Variants in EXOC6 observed in about 807,000 individuals in gnomAD.
EXOC6 encodes SEC15-like 1.
A neutral mutation model predicts 112.5 loss-of-function variants in EXOC6; 60 were observed. The ratio of observed to expected loss-of-function variants is 0.53; its 90% CI spans 0.43 to 0.66. The LOEUF (loss-of-function observed/expected upper bound fraction) is 0.66, where lower values mean the gene tolerates loss of function less well. EXOC6 is among the 30% of genes least tolerant of loss of function. The pLI is 0.00. For missense variants in EXOC6, 855 were observed against 957.1 expected (o/e 0.89, Z 1.41); for synonymous variants, 295 against 308.0 (o/e 0.96, Z 0.44).
At chr10:92,897,087 G>C (rs1354481043) in intron 4 of EXOC6, among the ~76,000 whole-genome samples, 4 of 152,110 alleles carry the variant, frequency 2.6e-5, no homozygotes. Flanking sequence ...TGTCCTCTAA[G>C]TTTGAATGTT....
chr10:92,897,618 G>T (rs1280147116), intron 4 of EXOC6, among the ~76,000 whole-genome samples: 3 of 152,136 alleles, frequency 2.0e-5, no homozygotes, highest in Non-Finnish European at 4.4e-5. Context: ...ATGGACAAAG[G>T]ACAGACAGAA....
At chr10:92,911,570 A>C (rs2133877721) in intron 6 of EXOC6, among the ~76,000 whole-genome samples, 1 of 152,290 alleles carries the variant, frequency 6.6e-6, no homozygotes, top group Non-Finnish European at 1.5e-5. Flanking sequence ...GAGTCCATCA[A>C]ATCATGGGCC....
chr10:92,974,781 T>C (rs909709896), intron 18 of EXOC6, among the ~76,000 whole-genome samples: 1 of 152,190 alleles, frequency 6.6e-6, no homozygotes, highest in African/African-American at 2.4e-5. Context: ...TTGGCCGGGC[T>C]GGTCTCCAGC....
At position 92,974,088 on chromosome 10, in the gene EXOC6, C is replaced by A. The variant is rs1352567838; in HGVS notation, c.1809C>A (p.Thr603=). 1.9e-6 allele frequency: 3 copies of A among 1,600,272 alleles called. No individual in the cohort carries two copies. The South Asian group carries it at 3.4e-5, about 18-fold the overall frequency. Residue 603 remains threonine, a synonymous_variant, in exon 18 of 22, where the codon ACC becomes ACA. Coordinates refer to ENST00000260762, the MANE Select transcript of EXOC6 (RefSeq NM_019053.6). ...ARHAAEGEIY[T]KLNQKIDEFV... ...ATGCAGCAGAAGGAGAAATATATAC[C>A]AAACTGAATCAAAAAATTGATGAAT...
At chr10:92,934,630 A>T (rs1243263620) in intron 11 of EXOC6, among the ~76,000 whole-genome samples, 200 bp downstream of exon 11, 1 of 152,142 alleles carries the variant, frequency 6.6e-6, no homozygotes. Flanking sequence ...TTCCCAAAAC[A>T]CCTTTATTCT....
chr10:92,869,632 A>T (rs1848342451), intron 1 of EXOC6, among the ~76,000 whole-genome samples: 1 of 152,030 alleles, frequency 6.6e-6, no homozygotes, highest in African/African-American at 2.4e-5. Flanking sequence ...TTGTCATTTA[A>T]TTGGTTTTTG....
chr10:92,930,712 T>C (rs1297722763), intron 9 of EXOC6, among the ~76,000 whole-genome samples: 1 of 152,116 alleles, frequency 6.6e-6, no homozygotes, highest in African/African-American at 2.4e-5. Context: ...TATTACTCTA[T>C]AATGTATTTA....
chr10:93,021,516 A>G (rs1844792053), intron 20 of EXOC6, among the ~76,000 whole-genome samples: 1 of 152,130 alleles, frequency 6.6e-6, no homozygotes, highest in African/African-American at 2.4e-5. Flanking sequence ...ACAACTCTCA[A>G]CTTCATTCCG....
intron 1 of EXOC6, among the ~76,000 whole-genome samples, chr10:92,892,430 A>G (rs767926259): frequency 1.5e-4 from 23 of 152,296 alleles, no homozygotes; most frequent in Admixed American, 3.3e-4. Context: ...ATATCCAGGA[A>G]TTTTATTGGA....
chr10:93,040,933 A>G (rs779896744), intron 20 of EXOC6, among the ~76,000 whole-genome samples: 2 of 152,088 alleles, frequency 1.3e-5, no homozygotes, highest in African/African-American at 4.8e-5. Flanking sequence ...ACTGCTCCCT[A>G]TACTCCTGAC....
Position 92,934,299 on chromosome 10 carries a change from AC to A in EXOC6, c.1020-10del. 6.4e-7 allele frequency: 1 copy of A among 1,571,892 alleles called. No individual in the cohort carries two copies. Among genetic ancestry groups the A allele is most frequent in the Non-Finnish European group, 8.6e-7 (1 of 1,166,706 alleles). ...TTTTTTAACACATGCTTTGGTAATT[AC>A]TGTTTTTAGGTTCTTTGTGGTAGAA... On this transcript the variant is annotated splice_polypyrimidine_tract_variant and intron_variant, in intron 10 of 21. Coordinates refer to ENST00000260762, the MANE Select transcript of EXOC6 (RefSeq NM_019053.6).
upstream of EXOC6, among the ~76,000 whole-genome samples, chr10:92,830,660 A>ACCCACCT (rs1039741542): frequency 1.3e-5 from 2 of 152,012 alleles, no homozygotes; most frequent in African/African-American, 2.4e-5. Context: ...CAGTAGCACC[A>ACCCACCT]CCCACCTCCC....
At chr10:93,016,848 T>C (rs922145935) in intron 20 of EXOC6, among the ~76,000 whole-genome samples, 2 of 151,940 alleles carry the variant, frequency 1.3e-5, no homozygotes, top group African/African-American at 2.4e-5. Context: ...GTCTCGCTCT[T>C]GTCACCAAAG....
chr10:92,928,315 A>G, intron 8 of EXOC6, 24 bp from the exon 9 acceptor site: 3 of 1,448,950 alleles, frequency 2.1e-6, no homozygotes, highest in Non-Finnish European at 2.9e-6. Context: ...TGTATTTTTC[A>G]TTACTCTGCT....
At position 92,899,582 on chromosome 10, in the gene EXOC6, T is replaced by A; in HGVS notation, c.413-17T>A. ...CTTTTCATTTTGAAAGCTAAAATGT[T>A]ATATTTTTTAATGCAGTGCTAGAAA... On this transcript the variant is annotated splice_polypyrimidine_tract_variant and intron_variant, in intron 4 of 21. Coordinates refer to ENST00000260762, the MANE Select transcript of EXOC6 (RefSeq NM_019053.6). The A allele has an allele frequency of 3.2e-6, 5 of 1,554,204 alleles. No homozygotes were observed. The highest frequency in any genetic ancestry group is 4.4e-6 in the Non-Finnish European group (5 of 1,143,398).
upstream of EXOC6, chr10:92,848,452 C>T (rs1375209025): frequency 2.7e-6 from 3 of 1,107,904 alleles, no homozygotes; most frequent in Admixed American, 1.0e-4. Context: ...CCGCCCCGCC[C>T]CTTCGCGCTC....
Position 92,952,342 on chromosome 10 carries a change from A to G in EXOC6, c.1486A>G (p.Ile496Val), listed in dbSNP as rs1448864888. ...TATTTACATTCAAGTTAAAGAATTT[A>G]TTTATGCCAGCCTTAAATTTTCAGA... ...PHIYIQVKEF[I>V]YASLKFSESL... is the part of the protein sequence containing the mutation. Residue 496 changes from isoleucine to valine, a missense_variant, in exon 15 of 22, where the codon ATT becomes GTT. Around this residue, in one of 2 missense-constraint regions of EXOC6, gnomAD observed 450 missense variants for 563.5 expected, o/e 0.80. Coordinates refer to ENST00000260762, the MANE Select transcript of EXOC6 (RefSeq NM_019053.6). The G allele has an allele frequency of 1.2e-6, 2 of 1,612,636 alleles. No homozygotes were observed. The highest frequency in any genetic ancestry group is 8.5e-7 in the Non-Finnish European group (1 of 1,179,028).
intron 20 of EXOC6, among the ~76,000 whole-genome samples, chr10:93,039,229 T>G (rs1157520957): frequency 2.0e-5 from 3 of 152,210 alleles, no homozygotes; most frequent in African/African-American, 7.2e-5. Flanking sequence ...CTAAACTTCC[T>G]CTTAGATATG....
At chr10:93,036,279 A>G (rs1246045815) in intron 20 of EXOC6, among the ~76,000 whole-genome samples, 1 of 152,080 alleles carries the variant, frequency 6.6e-6, no homozygotes, top group African/African-American at 2.4e-5. Context: ...AGTCTTTCAC[A>G]GTCATTATTT....
Sources: gnomAD v4.1 joint callset for allele counts (sites outside exome capture counted in the v4.1 genomes callset) on GRCh38, gnomAD v4.1.1 for gene constraint, gnomAD v4.1.1 regional missense constraint, MANE v1.5 for transcripts, NCBI Gene and HGNC (gene_info 2026-07-23, HGNC 2026-07-21) for gene names.